The following HMGCLL1 variants were observed in gnomAD, a reference collection of about 807,000 sequenced individuals.
HMGCLL1 encodes the protein 3-hydroxy-3-methylglutaryl-CoA lyase like 1, also known as 3-hydroxymethyl-3-methylglutaryl-CoA lyase, cytoplasmic.
Under a neutral mutation model 39.1 loss-of-function variants are expected in HMGCLL1, and 36 were observed. That is an observed-to-expected ratio of 0.92 (90% CI 0.71 to 1.22). The LOEUF is 1.22. Among genes scored for constraint, HMGCLL1 ranks in the 50% most tolerant of loss-of-function variants. The pLI is 0.00. For synonymous variants in HMGCLL1, 149 were observed against 144.0 expected (o/e 1.03, Z -0.25); for missense variants, 451 against 416.5 (o/e 1.08, Z -0.72).
At chr6:55,468,791 C>T (rs6906282) in intron 7 of HMGCLL1, among the ~76,000 whole-genome samples, 32,451 of 151,796 alleles carry the variant, frequency 0.21, 4,579 homozygotes, top group African/African-American at 0.41. Flanking sequence ...TACTATGCTA[C>T]ACTCTCCTTT....
At chr6:55,647,807 T>G in the HMGCLL1 span, among the ~76,000 whole-genome samples, 1 of 129,806 alleles carries the variant, frequency 7.7e-6, no homozygotes, top group Admixed American at 7.9e-5. Context: ...TTAGGGTACA[T>G]GTGCACATTG....
chr6:55,580,543 G>C (rs970050102), upstream of HMGCLL1, among the ~76,000 whole-genome samples: 12 of 148,194 alleles, frequency 8.1e-5, no homozygotes, highest in African/African-American at 3.0e-4. Context: ...GGCCTCCCCA[G>C]CTGCTGGGAC....
chr6:55,576,933 T>A (rs1342292209), intron 1 of HMGCLL1: 2 of 1,113,416 alleles, frequency 1.8e-6, no homozygotes, highest in Non-Finnish European at 2.5e-6. Context: ...CAGCTGAACA[T>A]CTGGACTGGA....
At chr6:55,553,157 C>CTATA (rs1252439459) in intron 1 of HMGCLL1, among the ~76,000 whole-genome samples, 16 of 116,944 alleles carry the variant, frequency 1.4e-4, no homozygotes, top group South Asian at 2.6e-4. Flanking sequence ...CTCTCTCTCT[C>CTATA]TCTATATATA....
At chr6:55,520,099 G>C (rs983736698) in intron 3 of HMGCLL1, among the ~76,000 whole-genome samples, 14 of 127,560 alleles carry the variant, frequency 1.1e-4, no homozygotes, top group Non-Finnish European at 2.1e-4. Context: ...GGCCTGTCAG[G>C]GGGTGGGGGG....
At chr6:55,664,497 T>G in the HMGCLL1 span, among the ~76,000 whole-genome samples, 1 of 151,728 alleles carries the variant, frequency 6.6e-6, no homozygotes, top group Non-Finnish European at 1.5e-5. Context: ...ATAATATATA[T>G]GTGTGCCTTA....
chr6:55,467,833 A>G (rs946900564), intron 7 of HMGCLL1, among the ~76,000 whole-genome samples: 4 of 152,018 alleles, frequency 2.6e-5, no homozygotes, highest in Non-Finnish European at 5.9e-5. Flanking sequence ...CTCCTTACTA[A>G]TGAGTGGTGC....
intron 3 of HMGCLL1, among the ~76,000 whole-genome samples, chr6:55,533,702 C>T (rs543067213): frequency 1.5e-4 from 22 of 150,588 alleles, no homozygotes; most frequent in African/African-American, 3.9e-4. Flanking sequence ...CTGGCTAACA[C>T]GGTGAAACCC....
At chr6:55,556,616 A>G (rs1257452407) in intron 1 of HMGCLL1, among the ~76,000 whole-genome samples, 1 of 152,194 alleles carries the variant, frequency 6.6e-6, no homozygotes, top group Non-Finnish European at 1.5e-5. Flanking sequence ...GCTCGGGAGC[A>G]GGGGGATGAT....
chr6:55,568,267 A>G (rs997212937), intron 1 of HMGCLL1, among the ~76,000 whole-genome samples: 1 of 152,202 alleles, frequency 6.6e-6, no homozygotes, highest in Non-Finnish European at 1.5e-5. Context: ...GAGATTGTCC[A>G]AAAGGGAAGA....
chr6:55,523,702 TGTAGA>T (rs1406566907), intron 3 of HMGCLL1, among the ~76,000 whole-genome samples: 1 of 151,876 alleles, frequency 6.6e-6, no homozygotes, highest in Admixed American at 6.6e-5. Flanking sequence ...TACAACTCAC[TGTAGA>T]GTAGAGCAAG....
At chr6:55,614,646 A>G in the HMGCLL1 span, among the ~76,000 whole-genome samples, 232 of 152,296 alleles carry the variant, frequency 1.5e-3, no homozygotes, top group Non-Finnish European at 2.5e-3. Flanking sequence ...ATGTCAAGAT[A>G]TCTGTAACAC....
chr6:55,677,953 A>G, the HMGCLL1 span, among the ~76,000 whole-genome samples: 2 of 152,210 alleles, frequency 1.3e-5, no homozygotes, highest in Non-Finnish European at 2.9e-5. Context: ...ATAATGGATG[A>G]GGTTGATGTT....
intron 1 of HMGCLL1, among the ~76,000 whole-genome samples, chr6:55,556,782 G>A (rs539844556): frequency 3.3e-5 from 5 of 152,192 alleles, no homozygotes; most frequent in South Asian, 2.1e-4. Flanking sequence ...TTTTGGGTAC[G>A]AGGGCCAAGT....
intron 1 of HMGCLL1, among the ~76,000 whole-genome samples, chr6:55,562,293 GT>G (rs1314033415): frequency 6.6e-6 from 1 of 152,132 alleles, no homozygotes; most frequent in African/African-American, 2.4e-5. Flanking sequence ...TATACAGTGT[GT>G]TGGGATAATT....
the HMGCLL1 span, among the ~76,000 whole-genome samples, chr6:55,615,747 G>A: frequency 6.6e-6 from 1 of 151,996 alleles, no homozygotes; most frequent in Admixed American, 6.6e-5. Flanking sequence ...TTTGTTTAAG[G>A]CTTTATCTGC....
the HMGCLL1 span, among the ~76,000 whole-genome samples, chr6:55,672,315 A>G: frequency 7.0e-6 from 1 of 143,328 alleles, no homozygotes; most frequent in Non-Finnish European, 1.5e-5. Flanking sequence ...TTCTAGAATA[A>G]ATAAAAATTA....
chr6:55,564,042 G>A (rs1318226114), intron 1 of HMGCLL1: 5 of 432,692 alleles, frequency 1.2e-5, no homozygotes, highest in Non-Finnish European at 1.8e-5. Context: ...CCTCATGAAA[G>A]TGCATTCAGT....
At chr6:55,586,313 G>A in the HMGCLL1 span, among the ~76,000 whole-genome samples, 1 of 151,948 alleles carries the variant, frequency 6.6e-6, no homozygotes, top group Non-Finnish European at 1.5e-5. Context: ...CTATCATGAT[G>A]AAGAGACAGT....
Sources: gnomAD v4.1 joint callset for allele counts (sites outside exome capture counted in the v4.1 genomes callset) on GRCh38, gnomAD v4.1.1 for gene constraint, MANE v1.5 for transcripts, NCBI Gene and HGNC (gene_info 2026-07-23, HGNC 2026-07-21) for gene names.